Variants in TRPS1 observed in about 807,000 individuals in gnomAD.
TRPS1 encodes transcriptional repressor GATA binding 1.
Under a neutral mutation model 101.2 loss-of-function variants are expected in TRPS1, and 6 were observed. That is an observed-to-expected ratio of 0.06 (90% CI 0.03 to 0.12). TRPS1 has a LOEUF of 0.12. TRPS1 is among the 10% of genes least tolerant of loss of function. The probability of loss-of-function intolerance (pLI) is 1.00; values close to 1 mark genes in which losing one functional copy is unlikely to be tolerated. For missense variants in TRPS1, 1,363 were observed against 1,567.0 expected (o/e 0.87, Z 2.20); for synonymous variants, 578 against 589.8 (o/e 0.98, Z 0.29).
Position 115,619,497 on chromosome 8 carries a change from G to C in TRPS1, c.601C>G (p.Gln201Glu), listed in dbSNP as rs766826774. 13 of 1,614,208 alleles carry C rather than the reference G, an allele frequency of 8.1e-6. No homozygotes were observed. The South Asian group carries it at 1.1e-4, about 14-fold the overall frequency. ...SPVSVASKNPQVPSDGGVRLN... is the reference protein window; with the variant it reads ...SPVSVASKNPEVPSDGGVRLN... ...CTTACACCCCCATCTGAAGGCACTTGTGGGTTTTTTGAGGCCACTGAAACT... is the reference window on the plus strand; with the variant it reads ...CTTACACCCCCATCTGAAGGCACTTCTGGGTTTTTTGAGGCCACTGAAACT... The change falls in exon 3 of 7, where the codon CAA (glutamine) becomes GAA (glutamate). Residue 201 changes from glutamine (Q) to glutamate (E), a missense_variant. By Grantham distance (29) the Gln-to-Glu change is conservative. Transcript: ENST00000395715.
chr8:115,543,502 C>A (rs866041963), intron 5 of TRPS1, among the ~76,000 whole-genome samples: 62 of 151,952 alleles, frequency 4.1e-4, no homozygotes, highest in African/African-American at 1.4e-3. Flanking sequence ...GTTATTAGGC[C>A]TTTGGTTCTA....
intron 5 of TRPS1, among the ~76,000 whole-genome samples, chr8:115,535,003 C>CAT (rs955482084): frequency 6.8e-6 from 1 of 147,726 alleles, no homozygotes; most frequent in Admixed American, 6.8e-5. Context: ...ATATATATAG[C>CAT]ATATATATAG....
intron 5 of TRPS1, among the ~76,000 whole-genome samples, chr8:115,520,966 C>T (rs747525245): frequency 2.0e-5 from 3 of 151,668 alleles, no homozygotes; most frequent in Non-Finnish European, 4.4e-5. Flanking sequence ...AACTATTCTT[C>T]GACAGTTTTG....
intron 3 of TRPS1, among the ~76,000 whole-genome samples, chr8:115,610,679 C>A (rs2245019): frequency 0.7 from 106,887 of 152,116 alleles, 39,183 homozygotes; most frequent in African/African-American, 0.91. Context: ...CCTCATTATG[C>A]AGATTTTTAT....
chr8:115,640,911 T>C (rs576429383), intron 1 of TRPS1, among the ~76,000 whole-genome samples: 7 of 152,322 alleles, frequency 4.6e-5, no homozygotes, highest in Admixed American at 2.0e-4. Flanking sequence ...ATGGAACTTC[T>C]ACATTTATTC....
At chr8:115,562,302 T>C (rs966981843) in intron 5 of TRPS1, among the ~76,000 whole-genome samples, 2 of 152,124 alleles carry the variant, frequency 1.3e-5, no homozygotes, top group Admixed American at 1.3e-4. Flanking sequence ...CTCTGATTGT[T>C]CCAATGGATA....
intron 5 of TRPS1, among the ~76,000 whole-genome samples, chr8:115,554,557 T>A (rs893436582): frequency 6.6e-6 from 1 of 152,190 alleles, no homozygotes; most frequent in Non-Finnish European, 1.5e-5. Context: ...AAAACTGAGA[T>A]GCCTCCATCA....
chr8:115,663,054 C>T (rs1811842329), intron 1 of TRPS1, among the ~76,000 whole-genome samples: 1 of 151,948 alleles, frequency 6.6e-6, no homozygotes, highest in African/African-American at 2.4e-5. Context: ...AACGCAAATA[C>T]CCACTTTCCC....
rs950744049 is a variant in TRPS1, at chr8:115,497,810, T to C, written c.2701-79358A>G. 2.6e-5 allele frequency among the ~76,000 whole-genome samples: 4 copies of C among 152,288 alleles called. No individual in the cohort carries two copies. The East Asian group carries it at 7.7e-4, about 29-fold the overall frequency. ...GCCTTTGTAAAGGGCATTGTTCATATGCCTGGGTTTTGATTGTGGGCATAT... is the reference window on the plus strand; with the variant it reads ...GCCTTTGTAAAGGGCATTGTTCATACGCCTGGGTTTTGATTGTGGGCATAT... On this transcript the variant is annotated intron_variant, in intron 5 of 6. Coordinates refer to ENST00000395715, the MANE Select transcript of TRPS1 (RefSeq NM_014112.5).
chr8:115,517,870 C>T (rs1055195693), intron 5 of TRPS1, among the ~76,000 whole-genome samples: 2 of 151,720 alleles, frequency 1.3e-5, no homozygotes, highest in African/African-American at 4.8e-5. Context: ...ACTTTCAATC[C>T]TGGTTGACTG....
At chr8:115,540,486 G>A (rs1350628968) in intron 5 of TRPS1, among the ~76,000 whole-genome samples, 1 of 151,974 alleles carries the variant, frequency 6.6e-6, no homozygotes, top group Non-Finnish European at 1.5e-5. Context: ...TCTTGAAGAG[G>A]TGAATAAAAA....
chr8:115,544,291 C>G (rs542734911), intron 5 of TRPS1, among the ~76,000 whole-genome samples: 1 of 151,574 alleles, frequency 6.6e-6, no homozygotes, highest in East Asian at 1.9e-4. Context: ...GTTATAGTAT[C>G]TATCTCATAG....
intron 1 of TRPS1, chr8:115,661,590 T>C (rs1473707524): frequency 6.6e-6 from 1 of 152,074 alleles, no homozygotes. Flanking sequence ...ATAATACTGC[T>C]GTTCATTATA....
chr8:115,497,898 G>T (rs1364694640), intron 5 of TRPS1, among the ~76,000 whole-genome samples: 1 of 149,064 alleles, frequency 6.7e-6, no homozygotes, highest in African/African-American at 2.5e-5. Context: ...GCAGATTAGA[G>T]GCATCCAAAA....
chr8:115,588,884 A>G (rs1274643655), intron 4 of TRPS1, among the ~76,000 whole-genome samples: 1 of 152,210 alleles, frequency 6.6e-6, no homozygotes, highest in Non-Finnish European at 1.5e-5. Context: ...TAAAAGATAT[A>G]TAGTCTTTGC....
chr8:115,540,971 C>G (rs2130305958), intron 5 of TRPS1, among the ~76,000 whole-genome samples: 1 of 152,214 alleles, frequency 6.6e-6, no homozygotes, highest in African/African-American at 2.4e-5. Flanking sequence ...ATCTTTCTTT[C>G]TGAAGCATTC....
chr8:115,540,217 T>C (rs1169377467), intron 5 of TRPS1, among the ~76,000 whole-genome samples: 2 of 152,188 alleles, frequency 1.3e-5, no homozygotes, highest in East Asian at 3.9e-4. Flanking sequence ...CAGCGATATT[T>C]GAGAATTCAC....
At chr8:115,498,409 CTCTCTCTATATATATATATATA>C (rs1383681283) in intron 5 of TRPS1, among the ~76,000 whole-genome samples, 21 of 80,962 alleles carry the variant, frequency 2.6e-4, no homozygotes, top group African/African-American at 1.2e-3. Flanking sequence ...CTCTCTCTCT[CTCTCTCTATATATATATATATA>C]TATATATATA....
At chr8:115,478,938 T>C (rs981316777) in intron 5 of TRPS1, among the ~76,000 whole-genome samples, 1 of 149,088 alleles carries the variant, frequency 6.7e-6, no homozygotes, top group East Asian at 1.9e-4. Context: ...TGTATATATG[T>C]ATATAAATGT....
Sources: allele counts gnomAD v4.1 joint callset (sites outside exome capture counted in the v4.1 genomes callset), GRCh38; gene constraint gnomAD v4.1.1; transcripts MANE v1.5; gene names NCBI Gene and HGNC (gene_info 2026-07-23, HGNC 2026-07-21).